ANKFN1: variants seen among roughly 807,000 people sequenced by gnomAD.
ANKFN1 encodes ankyrin repeat and fibronectin type-III domain-containing protein 1.
In ANKFN1, 74 loss-of-function variants were observed where a neutral mutation model predicts 108.7. That is an observed-to-expected ratio of 0.68 (90% CI 0.56 to 0.83). ANKFN1 has a LOEUF of 0.83. Among genes scored for constraint, ANKFN1 ranks in the 40% least tolerant of loss-of-function variants. The pLI is 0.00. For synonymous variants in ANKFN1, 547 were observed against 516.2 expected, an observed-to-expected ratio of 1.06 and a Z score of -0.81; for missense variants, 1,505 against 1,382.3, an observed-to-expected ratio of 1.09 and a Z score of -1.41.
At chr17:56,315,263 G>T (rs574778247) in intron 3 of ANKFN1, among the ~76,000 whole-genome samples, 1 of 152,236 alleles carries the variant, frequency 6.6e-6, no homozygotes, top group Non-Finnish European at 1.5e-5. Flanking sequence ...CTTTCTTTAA[G>T]AATTAAATGT....
intron 1 of ANKFN1, among the ~76,000 whole-genome samples, chr17:56,182,082 G>T (rs1776039849): frequency 1.3e-5 from 2 of 152,118 alleles, no homozygotes; most frequent in African/African-American, 4.8e-5. Context: ...CTCTGCCAAT[G>T]GGCCCTTCTG....
intron 15 of ANKFN1, among the ~76,000 whole-genome samples, chr17:56,467,668 AT>A (rs2050121701): frequency 2.1e-5 from 3 of 140,826 alleles, no homozygotes; most frequent in South Asian, 4.4e-4. Flanking sequence ...CGGAGTGAGA[AT>A]CCATCTTAAA....
At chr17:56,146,820 G>A (rs988067777) in intron 4 of ANKFN1, among the ~76,000 whole-genome samples, 1 of 152,216 alleles carries the variant, frequency 6.6e-6, no homozygotes, top group African/African-American at 2.4e-5. Flanking sequence ...TTGTCTTGGT[G>A]ATTAACTTTC....
chr17:56,220,834 G>GT (rs1598262781), intron 2 of ANKFN1, among the ~76,000 whole-genome samples: 2 of 51,472 alleles, frequency 3.9e-5, no homozygotes, highest in African/African-American at 1.3e-4. Flanking sequence ...AAGGAAGGGA[G>GT]GAAGGGAGGG....
At chr17:56,445,417 A>G (rs1324282047) in intron 10 of ANKFN1, among the ~76,000 whole-genome samples, 1 of 152,262 alleles carries the variant, frequency 6.6e-6, no homozygotes, top group African/African-American at 2.4e-5. Flanking sequence ...TTAGTTGTTC[A>G]GGACTGGGAG....
intron 14 of ANKFN1, chr17:56,461,998 C>T (rs1219208044): frequency 6.6e-6 from 1 of 152,174 alleles, no homozygotes; most frequent in Non-Finnish European, 1.5e-5. Context: ...TGGTCACCTT[C>T]ACAGTGCCCC....
intron 19 of ANKFN1, among the ~76,000 whole-genome samples, chr17:56,493,177 A>G (rs1598718238): frequency 6.6e-6 from 1 of 152,170 alleles, no homozygotes; most frequent in East Asian, 1.9e-4. Flanking sequence ...AGGAGTTTCA[A>G]ATCCATCAGG....
intron 8 of ANKFN1, among the ~76,000 whole-genome samples, chr17:56,409,388 C>G (rs565219178): frequency 2.0e-5 from 3 of 152,240 alleles, no homozygotes; most frequent in Admixed American, 6.5e-5. Context: ...CTAAATGCAA[C>G]CAAAAACACT....
intron 3 of ANKFN1, among the ~76,000 whole-genome samples, chr17:56,242,356 T>C (rs144525025): frequency 0.023 from 3,516 of 152,230 alleles, 132 homozygotes; most frequent in East Asian, 0.1. Context: ...TTGTATAATA[T>C]ACTTAATCTT....
chr17:56,176,462 G>A (rs879139081), intron 1 of ANKFN1, among the ~76,000 whole-genome samples: 7 of 152,158 alleles, frequency 4.6e-5, no homozygotes, highest in Admixed American at 6.5e-5. Context: ...GCACGGGATC[G>A]GAGTGTTTGT....
intron 7 of ANKFN1, among the ~76,000 whole-genome samples, chr17:56,373,332 C>T (rs901887335): frequency 5.3e-5 from 8 of 152,176 alleles, no homozygotes; most frequent in Admixed American, 2.0e-4. Context: ...TCAAGAATTA[C>T]GCTTTTGTCT....
At chr17:56,235,193 TTTG>T (rs753622236) in intron 3 of ANKFN1, among the ~76,000 whole-genome samples, 10 of 152,022 alleles carry the variant, frequency 6.6e-5, no homozygotes, top group Admixed American at 1.3e-4. Flanking sequence ...CTTTTTAATG[TTTG>T]TTGTTGTTGT....
intron 15 of ANKFN1, among the ~76,000 whole-genome samples, chr17:56,473,944 A>G (rs779385915): frequency 3.8e-4 from 58 of 152,064 alleles, no homozygotes; most frequent in Non-Finnish European, 8.1e-4. Flanking sequence ...TTTTTCTGTG[A>G]TACTCTTACC....
chr17:56,174,588 T>C (rs1910959991), intron 1 of ANKFN1, among the ~76,000 whole-genome samples: 1 of 152,210 alleles, frequency 6.6e-6, no homozygotes, highest in Admixed American at 6.5e-5. Flanking sequence ...GGATCAGCTG[T>C]TCATTCCTGC....
chr17:56,081,905 T>C (rs1905250265), intron 4 of ANKFN1, among the ~76,000 whole-genome samples: 1 of 152,240 alleles, frequency 6.6e-6, no homozygotes, highest in African/African-American at 2.4e-5. Context: ...TGCCTCTTAG[T>C]GGGCGTGTGT....
chr17:56,170,372 G>A (rs1301195358), intron 1 of ANKFN1, among the ~76,000 whole-genome samples: 2 of 152,124 alleles, frequency 1.3e-5, no homozygotes, highest in South Asian at 2.1e-4. Flanking sequence ...GAGAGGGAGC[G>A]ACAGAGTCTG....
chr17:56,469,277 C>T lies in ANKFN1; in HGVS notation c.1773+2706C>T, dbSNP rs964138088. The stretch of plus-strand genomic sequence containing the variant: ...TCTTCTCTCTCCCCTCCTTCCCATA[C>T]AAGTCTCACACTAGAGAGGAAATGG... On this transcript the variant is annotated intron_variant, in intron 15 of 20. Coordinates refer to ENST00000682825, the MANE Select transcript of ANKFN1 (RefSeq NM_001370326.1). Among the ~76,000 whole-genome samples, 4 of 150,466 alleles carry T rather than the reference C, an allele frequency of 2.7e-5. No individual in the cohort carries two copies. The South Asian group carries it at 8.5e-4, about 32-fold the overall frequency.
chr17:56,252,951 A>G (rs960212787), intron 3 of ANKFN1, among the ~76,000 whole-genome samples: 4 of 151,978 alleles, frequency 2.6e-5, no homozygotes, highest in Admixed American at 2.6e-4. Context: ...AGTCCTGGCT[A>G]CTCACGAGGG....
At chr17:56,224,221 C>T (rs1314706954) in intron 2 of ANKFN1, among the ~76,000 whole-genome samples, 3 of 152,202 alleles carry the variant, frequency 2.0e-5, no homozygotes, top group African/African-American at 7.2e-5. Context: ...CTGGCATATT[C>T]TATCTTAAAT....
Sources: allele counts gnomAD v4.1 joint callset (sites outside exome capture counted in the v4.1 genomes callset), GRCh38; gene constraint gnomAD v4.1.1; transcripts MANE v1.5; gene names NCBI Gene and HGNC (gene_info 2026-07-23, HGNC 2026-07-21).